KIAA1958: variants seen among roughly 807,000 people sequenced by gnomAD.
KIAA1958 encodes KIAA1958.
KIAA1958 carries 14 observed loss-of-function variants against 47.2 expected under a neutral mutation model. The observed-to-expected ratio is 0.30, with a 90% CI of 0.20 to 0.46. The LOEUF (loss-of-function observed/expected upper bound fraction) is 0.46. Among genes scored for constraint, KIAA1958 ranks in the 20% least tolerant of loss-of-function variants. KIAA1958 has a pLI of 1.00. For synonymous variants in KIAA1958, 354 were observed against 353.3 expected (o/e 1.00, Z -0.02); for missense variants, 803 against 909.2 (o/e 0.88, Z 1.50).
chr9:112,587,899 TAG>T (rs1285442043), intron 2 of KIAA1958, among the ~76,000 whole-genome samples: 1 of 152,232 alleles, frequency 6.6e-6, no homozygotes, highest in Non-Finnish European at 1.5e-5. Flanking sequence ...AAAATATCCA[TAG>T]ACTCTGCTGT....
At chr9:112,567,230 AAAAC>A (rs1422984535) in intron 1 of KIAA1958, among the ~76,000 whole-genome samples, 8 of 152,318 alleles carry the variant, frequency 5.3e-5, no homozygotes, top group Admixed American at 2.0e-4. Context: ...GAAACAAAAC[AAAAC>A]AAACAAAAAT....
At position 112,531,124 on chromosome 9, in the gene KIAA1958, C is replaced by CA. The variant is rs1834744649; in HGVS notation, c.-24-42932dup. Among the ~76,000 whole-genome samples, 13 of 152,320 alleles carry CA rather than the reference C, an allele frequency of 8.5e-5. 2 individuals carry two copies. In the South Asian group the frequency reaches 2.7e-3, roughly 32 times the overall value. On this transcript the variant is annotated intron_variant, in intron 1 of 3. Coordinates refer to ENST00000337530, the MANE Select transcript of KIAA1958 (RefSeq NM_133465.4). ...AAAGGAAATGTCAGGCGCTGTGGCTCACGCCTGTAATCCCAGGACTTTGGG... is the reference window on the plus strand; with the variant it reads ...AAAGGAAATGTCAGGCGCTGTGGCTCAACGCCTGTAATCCCAGGACTTTGGG...
rs1441389563 is a variant in KIAA1958 at position 112,660,296 on chromosome 9, A to T, written c.*227A>T. On this transcript the variant is annotated 3_prime_UTR_variant, in exon 4 of 4. Transcript: ENST00000337530. Reference sequence around the variant, plus strand: ...TATCCAAATGTGCGTCAACTTCGTTAGCTTTTAGAATCTAACACAATGTAT... The same window carrying T: ...TATCCAAATGTGCGTCAACTTCGTTTGCTTTTAGAATCTAACACAATGTAT... 1.8e-6 allele frequency: 1 copy of T among 564,504 alleles called. No homozygotes were observed. The highest frequency in any genetic ancestry group is 2.9e-5 in the East Asian group (1 of 34,854). The allele number at this position is 564,504 out of a possible 1,614,324, so 35.0% of individuals were successfully genotyped here.
chr9:112,659,392 G>A lies in KIAA1958; in HGVS notation c.1474G>A (p.Ala492Thr), dbSNP rs765707176. 1 of 1,614,070 alleles carries A rather than the reference G, an allele frequency of 6.2e-7. No individual in the cohort carries two copies. The highest frequency in any genetic ancestry group is 1.3e-5 in the African/African-American group (1 of 74,926). The change falls in exon 4 of 4, where the codon GCA (alanine) becomes ACA (threonine). Residue 492 changes from alanine to threonine, a missense_variant. By Grantham distance (58) the Ala-to-Thr change is moderately conservative (BLOSUM62 0). Coordinates refer to ENST00000337530, the MANE Select transcript of KIAA1958 (RefSeq NM_133465.4). ...AGGCCTGGACCGCATCCTGAAGAAT[G>A]CAGGTGTCGGCTTTTCCATCACCAG... ...RRGLDRILKN[A>T]GVGFSITSST...
chr9:112,602,467 A>C (rs1836151239), intron 2 of KIAA1958, among the ~76,000 whole-genome samples: 1 of 152,194 alleles, frequency 6.6e-6, no homozygotes, highest in African/African-American at 2.4e-5. Context: ...GGAAGAAGTT[A>C]GTACAGTACC....
intron 2 of KIAA1958, among the ~76,000 whole-genome samples, chr9:112,627,997 A>G (rs989408311): frequency 6.6e-6 from 1 of 152,274 alleles, no homozygotes; most frequent in South Asian, 2.1e-4. Context: ...GTTTCAACAT[A>G]TTGACTCTAC....
chr9:112,633,374 T>A (rs557835802), intron 2 of KIAA1958, among the ~76,000 whole-genome samples: 1 of 152,178 alleles, frequency 6.6e-6, no homozygotes, highest in Non-Finnish European at 1.5e-5. Context: ...AAATTAAATA[T>A]CTTTATAATA....
In KIAA1958 at chr9:112,626,715, G is replaced by C. The variant is rs140767117; in HGVS notation, c.1172-18935G>C. ...TCCATGTTTAGTATTAACCCACTCA[G>C]ATTAACTTTATCTAACTGAACTTTT... On this transcript the variant is annotated intron_variant, in intron 2 of 3. Transcript: ENST00000337530. 6.8e-3 allele frequency among the ~76,000 whole-genome samples: 1,032 copies of C among 151,706 alleles called. 11 individuals are homozygous for C. Among genetic ancestry groups the C allele is most frequent in the Middle Eastern group, 0.014 (4 of 292 alleles).
At chr9:112,523,025 A>G (rs1834575460) in intron 1 of KIAA1958, among the ~76,000 whole-genome samples, 1 of 152,188 alleles carries the variant, frequency 6.6e-6, no homozygotes, top group Non-Finnish European at 1.5e-5. Context: ...GGGCTATGCG[A>G]TGACAACTGG....
chr9:112,504,835 A>G (rs1834206262), intron 1 of KIAA1958, among the ~76,000 whole-genome samples: 1 of 152,174 alleles, frequency 6.6e-6, no homozygotes, highest in African/African-American at 2.4e-5. Context: ...TTTTATTTAT[A>G]CAAATTTATG....
chr9:112,535,349 GT>G (rs1834834481), intron 1 of KIAA1958, among the ~76,000 whole-genome samples: 1 of 152,054 alleles, frequency 6.6e-6, no homozygotes, highest in South Asian at 2.1e-4. Context: ...TTGTCTTTTT[GT>G]GCCTGTCTTC....
At chr9:112,562,599 G>A (rs907511975) in intron 1 of KIAA1958, among the ~76,000 whole-genome samples, 3 of 152,116 alleles carry the variant, frequency 2.0e-5, no homozygotes, top group Non-Finnish European at 4.4e-5. Context: ...TTCTGCCACC[G>A]AGGCCCTTTG....
Position 112,509,137 on chromosome 9 carries a change from A to G in KIAA1958, c.-25+22019A>G, listed in dbSNP as rs1044899310. ...AGTGTATGGAGAAAGCTTATCACAG[A>G]GAAGTTCTATCCTTGAGACATTTAA... On this transcript the variant is annotated intron_variant, in intron 1 of 3. Coordinates refer to ENST00000337530, the MANE Select transcript of KIAA1958 (RefSeq NM_133465.4). Among the ~76,000 whole-genome samples the G allele has an allele frequency of 1.4e-4, 22 of 151,964 alleles. No homozygotes were observed. In the East Asian group the frequency reaches 4.2e-3, roughly 29 times the overall value.
At chr9:112,579,303 T>C (rs1470737259) in intron 2 of KIAA1958, among the ~76,000 whole-genome samples, 3 of 152,146 alleles carry the variant, frequency 2.0e-5, no homozygotes, top group Non-Finnish European at 4.4e-5. Context: ...GGTATTTTGC[T>C]TAGGAAGTCC....
At chr9:112,586,259 T>TA (rs1835820481) in intron 2 of KIAA1958, among the ~76,000 whole-genome samples, 1 of 152,176 alleles carries the variant, frequency 6.6e-6, no homozygotes, top group Non-Finnish European at 1.5e-5. Context: ...AGGTGGAAAT[T>TA]AAAAGTGTAG....
At chr9:112,504,085 T>C (rs1385973160) in intron 1 of KIAA1958, among the ~76,000 whole-genome samples, 1 of 152,190 alleles carries the variant, frequency 6.6e-6, no homozygotes, top group Non-Finnish European at 1.5e-5. Context: ...CCTGGCTTTA[T>C]TGATGGTGGG....
rs1366121335 is a variant in KIAA1958, at chr9:112,491,108, G to A, written c.-25+3990G>A. On this transcript the variant is annotated intron_variant, in intron 1 of 3. Transcript: ENST00000337530. Reference sequence around the variant, plus strand: ...ACCTCCCAAGTAGCTGGGACTACAGGCACGTGCCATCACACTTAGCTAATT... The same window carrying A: ...ACCTCCCAAGTAGCTGGGACTACAGACACGTGCCATCACACTTAGCTAATT... 2.0e-5 allele frequency among the ~76,000 whole-genome samples: 3 copies of A among 152,078 alleles called. No homozygotes were observed. The South Asian group carries it at 6.2e-4, about 32-fold the overall frequency.
chr9:112,563,018 T>A (rs1181004051), intron 1 of KIAA1958, among the ~76,000 whole-genome samples: 1 of 150,330 alleles, frequency 6.7e-6, no homozygotes, highest in African/African-American at 2.5e-5. Flanking sequence ...CCTTTCATCT[T>A]AACTTTCTGT....
chr9:112,494,436 T>A (rs990730041), intron 1 of KIAA1958, among the ~76,000 whole-genome samples: 1 of 152,100 alleles, frequency 6.6e-6, no homozygotes, highest in South Asian at 2.1e-4. Context: ...TGTTTTTTTC[T>A]ATTTTATGCT....
Sources: allele counts gnomAD v4.1 joint callset (sites outside exome capture counted in the v4.1 genomes callset), GRCh38; gene constraint gnomAD v4.1.1; transcripts MANE v1.5; gene names NCBI Gene and HGNC (gene_info 2026-07-23, HGNC 2026-07-21).